FHIT: variants seen among roughly 807,000 people sequenced by gnomAD.
The protein encoded by FHIT is bis(5'-adenosyl)-triphosphatase.
FHIT carries 19 observed loss-of-function variants against 17.9 expected under a neutral mutation model. That is an observed-to-expected ratio of 1.06 (90% CI 0.74 to 1.56). The LOEUF (loss-of-function observed/expected upper bound fraction) is 1.56. Ranked by LOEUF, FHIT falls within the 40% of genes most tolerant of loss-of-function variation. FHIT has a pLI of 0.00. For synonymous variants in FHIT, 81 were observed against 69.7 expected, an observed-to-expected ratio of 1.16 and a Z score of -0.81; for missense variants, 248 against 189.2, an observed-to-expected ratio of 1.31 and a Z score of -1.82.
At chr3:60,210,329 A>C (rs988379898) in intron 5 of FHIT, among the ~76,000 whole-genome samples, 7 of 152,176 alleles carry the variant, frequency 4.6e-5, no homozygotes, top group African/African-American at 1.7e-4. Flanking sequence ...TTTAACTATG[A>C]AAACTAAAAT....
chr3:60,401,388 C>T (rs890987775), intron 5 of FHIT, among the ~76,000 whole-genome samples: 2 of 152,130 alleles, frequency 1.3e-5, no homozygotes, highest in Non-Finnish European at 2.9e-5. Flanking sequence ...CTCACTGATC[C>T]TCTGACTTAC....
intron 3 of FHIT, among the ~76,000 whole-genome samples, chr3:61,009,359 C>G (rs755821851): frequency 1.3e-5 from 2 of 152,140 alleles, no homozygotes; most frequent in Non-Finnish European, 2.9e-5. Context: ...TTCTCTGAAA[C>G]GGTAAAGTGC....
At chr3:60,138,019 G>T (rs970624437) in intron 5 of FHIT, among the ~76,000 whole-genome samples, 1 of 152,148 alleles carries the variant, frequency 6.6e-6, no homozygotes, top group East Asian at 1.9e-4. Flanking sequence ...TGTCTAGTTT[G>T]ATGTTCTTAA....
intron 5 of FHIT, among the ~76,000 whole-genome samples, chr3:60,388,545 G>A (rs191889994): frequency 1.3e-5 from 2 of 152,266 alleles, no homozygotes; most frequent in Admixed American, 1.3e-4. Flanking sequence ...AGGTTGCAAT[G>A]AGCAGCGATC....
At chr3:59,826,008 A>C (rs1277708749) in intron 8 of FHIT, among the ~76,000 whole-genome samples, 1 of 152,192 alleles carries the variant, frequency 6.6e-6, no homozygotes, top group African/African-American at 2.4e-5. Context: ...AACTCACTTT[A>C]TTATTCTGCC....
At chr3:59,861,984 A>C (rs965548410) in intron 8 of FHIT, among the ~76,000 whole-genome samples, 1 of 151,704 alleles carries the variant, frequency 6.6e-6, no homozygotes, top group South Asian at 2.1e-4. Flanking sequence ...TATAAACAAA[A>C]AATGCCAAAT....
At chr3:59,891,288 T>C (rs1027704789) in intron 8 of FHIT, among the ~76,000 whole-genome samples, 3 of 152,122 alleles carry the variant, frequency 2.0e-5, no homozygotes, top group African/African-American at 7.2e-5. Context: ...GAGGCTACCA[T>C]GGACAACTAA....
intron 4 of FHIT, among the ~76,000 whole-genome samples, chr3:60,760,653 C>T (rs1699616035): frequency 6.6e-6 from 1 of 152,052 alleles, no homozygotes; most frequent in African/African-American, 2.4e-5. Context: ...AAGTAATGCC[C>T]AGCAAATTTC....
chr3:60,552,748 T>A (rs1353606750), intron 4 of FHIT, among the ~76,000 whole-genome samples: 1 of 152,190 alleles, frequency 6.6e-6, no homozygotes, highest in Non-Finnish European at 1.5e-5. Flanking sequence ...GCACTCTCAA[T>A]GACATCTGCT....
At chr3:61,203,179 C>A (rs1452347040) in intron 1 of FHIT, among the ~76,000 whole-genome samples, 178 of 86,252 alleles carry the variant, frequency 2.1e-3, no homozygotes, top group South Asian at 2.8e-3. Context: ...GACTCCGTCT[C>A]AAAAAAAAAA....
At chr3:60,507,116 A>T (rs566945072) in intron 5 of FHIT, among the ~76,000 whole-genome samples, 1 of 152,208 alleles carries the variant, frequency 6.6e-6, no homozygotes, top group East Asian at 1.9e-4. Flanking sequence ...TGGTTCCATT[A>T]GAACATATAA....
At chr3:60,237,621 T>C (rs1680805263) in intron 5 of FHIT, among the ~76,000 whole-genome samples, 1 of 152,154 alleles carries the variant, frequency 6.6e-6, no homozygotes, top group Non-Finnish European at 1.5e-5. Flanking sequence ...GATCACAAGA[T>C]TGTACTTGAT....
chr3:60,273,356 C>A (rs1706961499), intron 5 of FHIT, among the ~76,000 whole-genome samples: 1 of 152,164 alleles, frequency 6.6e-6, no homozygotes, highest in South Asian at 2.1e-4. Context: ...CACCTGTAAT[C>A]CCAGCACTTT....
At chr3:60,275,042 A>C (rs1707057295) in intron 5 of FHIT, among the ~76,000 whole-genome samples, 1 of 152,138 alleles carries the variant, frequency 6.6e-6, no homozygotes, top group South Asian at 2.1e-4. Flanking sequence ...CATTTAATAA[A>C]GATTTTTGCA....
At chr3:60,250,445 C>T (rs549229317) in intron 5 of FHIT, among the ~76,000 whole-genome samples, 2 of 152,164 alleles carry the variant, frequency 1.3e-5, no homozygotes, top group African/African-American at 2.4e-5. Flanking sequence ...AGGACCCCCT[C>T]GGCCAGAAAA....
intron 4 of FHIT, among the ~76,000 whole-genome samples, chr3:60,704,321 T>C (rs1244732419): frequency 6.6e-6 from 1 of 152,156 alleles, no homozygotes; most frequent in Non-Finnish European, 1.5e-5. Context: ...TCCACTGAGC[T>C]ACAATAAAGC....
At chr3:60,177,291 G>C (rs1200837106) in intron 5 of FHIT, among the ~76,000 whole-genome samples, 1 of 150,234 alleles carries the variant, frequency 6.7e-6, no homozygotes, top group African/African-American at 2.4e-5. Flanking sequence ...GCTAGAAGAA[G>C]TTGAACTTGA....
chr3:60,809,905 A>G lies in FHIT; in HGVS notation c.-18+12014T>C, dbSNP rs180941785. Among the ~76,000 whole-genome samples the G allele has an allele frequency of 3.3e-5, 5 of 152,314 alleles. No individual in the cohort carries two copies. The East Asian group carries it at 5.8e-4, about 18-fold the overall frequency. On this transcript the variant is annotated intron_variant, in intron 4 of 9. Coordinates refer to ENST00000492590, the MANE Select transcript of FHIT (RefSeq NM_002012.4). Reference sequence around the variant, plus strand: ...GGGCTTTTAAAGCACTTTACCCCCAAGGATTCTGATTTCTTCTGTATGGGC... The same window carrying G: ...GGGCTTTTAAAGCACTTTACCCCCAGGGATTCTGATTTCTTCTGTATGGGC...
intron 3 of FHIT, among the ~76,000 whole-genome samples, chr3:61,022,500 G>C (rs2032500340): frequency 6.6e-6 from 1 of 152,170 alleles, no homozygotes. Flanking sequence ...CATTTTATGA[G>C]GCCAGCATCA....
Sources: allele counts gnomAD v4.1 joint callset (sites outside exome capture counted in the v4.1 genomes callset), GRCh38; gene constraint gnomAD v4.1.1; transcripts MANE v1.5; gene names NCBI Gene and HGNC (gene_info 2026-07-23, HGNC 2026-07-21).